TCF7L2: variants seen among roughly 807,000 people sequenced by gnomAD.
The protein encoded by TCF7L2 is transcription factor 7-like 2.
TCF7L2 carries 23 observed loss-of-function variants against 77.9 expected under a neutral mutation model. The observed-to-expected ratio is 0.30, with a 90% CI of 0.21 to 0.42. The LOEUF (loss-of-function observed/expected upper bound fraction) is 0.42. TCF7L2 is among the 10% of genes least tolerant of loss of function. TCF7L2 has a pLI of 1.00. For missense variants in TCF7L2, 654 were observed against 793.1 expected, an observed-to-expected ratio of 0.82 and a Z score of 2.11; for synonymous variants, 413 against 340.2, an observed-to-expected ratio of 1.21 and a Z score of -2.36.
intron 4 of TCF7L2, among the ~76,000 whole-genome samples, chr10:112,972,793 T>G (rs2038571332): frequency 1.3e-5 from 2 of 152,218 alleles, no homozygotes; most frequent in African/African-American, 4.8e-5. Flanking sequence ...TTATTGATTC[T>G]TCATAACAAC....
intron 5 of TCF7L2, among the ~76,000 whole-genome samples, chr10:113,042,846 A>G (rs1158912831): frequency 1.3e-5 from 2 of 152,172 alleles, no homozygotes; most frequent in Non-Finnish European, 2.9e-5. Context: ...TAAAGGGTGC[A>G]TTCTGAATGG....
intron 5 of TCF7L2, among the ~76,000 whole-genome samples, chr10:113,118,215 C>A (rs1270898491): frequency 6.6e-6 from 1 of 151,926 alleles, no homozygotes; most frequent in Non-Finnish European, 1.5e-5. Context: ...CAATTAAAAG[C>A]AAATGGGTGA....
chr10:113,031,941 A>G (rs1336952136), intron 4 of TCF7L2, among the ~76,000 whole-genome samples: 1 of 152,216 alleles, frequency 6.6e-6, no homozygotes, highest in Non-Finnish European at 1.5e-5. Flanking sequence ...GAATCCATGC[A>G]TTGGAGTAGA....
chr10:113,150,957 C>T (rs2137124028), intron 8 of TCF7L2, 41 bp from the exon 9 acceptor site: 6 of 1,608,934 alleles, frequency 3.7e-6, no homozygotes, highest in Non-Finnish European at 5.1e-6. Context: ...CTCATTCATT[C>T]ATTTTGATTC....
rs772898860 is a variant in TCF7L2 at position 113,151,094 on chromosome 10, C to G, written c.972C>G (p.Ser324=). ...CACCAACAGTCAAACAGGAATCGTCCCAGAGTGATGTCGGCTCACTCCATA... is the reference window on the plus strand; with the variant it reads ...CACCAACAGTCAAACAGGAATCGTCGCAGAGTGATGTCGGCTCACTCCATA... Residue 324 remains serine, a synonymous_variant, in exon 9 of 14, where the codon TCC becomes TCG. Coordinates refer to ENST00000627217, the MANE Select transcript of TCF7L2 (RefSeq NM_001146274.2). The surrounding 1 kb of genome is among the most constrained non-coding windows in gnomAD (Gnocchi z 5.2). 6.2e-7 allele frequency: 1 copy of G among 1,614,098 alleles called. No individual in the cohort carries two copies. The highest frequency in any genetic ancestry group is 1.1e-5 in the South Asian group (1 of 91,076).
intron 8 of TCF7L2, 129 bp from the exon 9 acceptor site, chr10:113,150,869 C>A (rs2070612228): frequency 8.1e-7 from 1 of 1,237,222 alleles, no homozygotes. Flanking sequence ...TGACAGGTTT[C>A]ATATGCCTTG....
chr10:112,984,093 G>C (rs1245859364), intron 4 of TCF7L2, among the ~76,000 whole-genome samples: 2 of 152,124 alleles, frequency 1.3e-5, no homozygotes, highest in Admixed American at 1.3e-4. Context: ...CAGTGCTTTG[G>C]GATCTATTTA....
chr10:113,133,730 C>T (rs7089262), intron 5 of TCF7L2, among the ~76,000 whole-genome samples: 8,658 of 152,234 alleles, frequency 0.057, 499 homozygotes, highest in African/African-American at 0.14. Context: ...ATTTCACAGA[C>T]GGCAGGGAGA....
At chr10:113,134,509 C>G (rs973390914) in intron 5 of TCF7L2, among the ~76,000 whole-genome samples, 9 of 152,178 alleles carry the variant, frequency 5.9e-5, no homozygotes, top group African/African-American at 2.2e-4. Context: ...GTTCACCACC[C>G]TCACAGGCTG....
chr10:112,981,330 GA>G (rs796678004), intron 4 of TCF7L2, among the ~76,000 whole-genome samples: 141 of 151,440 alleles, frequency 9.3e-4, no homozygotes, highest in African/African-American at 3.2e-3. Flanking sequence ...AATAAAGAAA[GA>G]AAAAAAGGGG....
intron 5 of TCF7L2, among the ~76,000 whole-genome samples, chr10:113,094,545 C>G (rs939520842): frequency 6.6e-6 from 1 of 152,078 alleles, no homozygotes; most frequent in African/African-American, 2.4e-5. Context: ...ATCTCCTACC[C>G]CTGATTATAT....
chr10:112,982,967 T>G (rs549320915), intron 4 of TCF7L2, among the ~76,000 whole-genome samples: 1 of 152,050 alleles, frequency 6.6e-6, no homozygotes, highest in Non-Finnish European at 1.5e-5. Flanking sequence ...AGAGTCCATG[T>G]TGTGATATCA....
At chr10:113,026,637 CT>C (rs1421797110) in intron 4 of TCF7L2, among the ~76,000 whole-genome samples, 1 of 152,194 alleles carries the variant, frequency 6.6e-6, no homozygotes, top group Non-Finnish European at 1.5e-5. Flanking sequence ...GGATCAAGCC[CT>C]CTTTGGCCTG....
chr10:113,161,514 T>C, intron 13 of TCF7L2: 9 of 1,513,908 alleles, frequency 5.9e-6, no homozygotes, highest in Non-Finnish European at 8.0e-6. Flanking sequence ...AGCTCCTGTC[T>C]CATTTCCTTT....
chr10:113,051,578 G>C (rs1023264638), intron 5 of TCF7L2, among the ~76,000 whole-genome samples: 8 of 152,180 alleles, frequency 5.3e-5, no homozygotes, highest in African/African-American at 1.9e-4. Context: ...GAGCACGCAT[G>C]CTTTCTTTAA....
chr10:113,059,962 C>T (rs1362794732), intron 5 of TCF7L2, among the ~76,000 whole-genome samples: 3 of 152,022 alleles, frequency 2.0e-5, no homozygotes, highest in Non-Finnish European at 4.4e-5. Context: ...TGAATGTTAG[C>T]CTTGCATATT....
chr10:113,083,556 T>C (rs2059534489), intron 5 of TCF7L2, among the ~76,000 whole-genome samples: 1 of 152,176 alleles, frequency 6.6e-6, no homozygotes, highest in South Asian at 2.1e-4. Flanking sequence ...AGTTACCTCA[T>C]CTTCAGAGGT....
chr10:113,104,494 C>A (rs977857821), intron 5 of TCF7L2, among the ~76,000 whole-genome samples: 9 of 152,232 alleles, frequency 5.9e-5, no homozygotes, highest in African/African-American at 1.9e-4. Flanking sequence ...AGATTTTACC[C>A]CTAACGCCGT....
chr10:112,976,747 G>A (rs1350624089), intron 4 of TCF7L2, among the ~76,000 whole-genome samples: 1 of 152,184 alleles, frequency 6.6e-6, no homozygotes, highest in East Asian at 1.9e-4. Context: ...TGCTCAGCCA[G>A]GTAGTTTGAG....
Sources: gnomAD v4.1 joint callset for allele counts (sites outside exome capture counted in the v4.1 genomes callset) on GRCh38, gnomAD v4.1.1 for gene constraint, Gnocchi (gnomAD v3.1) non-coding constraint, MANE v1.5 for transcripts, NCBI Gene and HGNC (gene_info 2026-07-23, HGNC 2026-07-21) for gene names.